The following RAPGEF5 variants were observed in gnomAD, a reference collection of about 807,000 sequenced individuals.
RAPGEF5 encodes Rap guanine nucleotide exchange factor 5.
RAPGEF5 carries 65 observed loss-of-function variants against 125.2 expected under a neutral mutation model. The ratio of observed to expected loss-of-function variants is 0.52; its 90% CI spans 0.43 to 0.64. The LOEUF (loss-of-function observed/expected upper bound fraction) is 0.64, where lower values mean the gene tolerates loss of function less well. Ranked by LOEUF, RAPGEF5 falls within the 30% of genes least tolerant of loss-of-function variation. The probability of loss-of-function intolerance (pLI) is 0.00; values close to 1 mark genes in which losing one functional copy is unlikely to be tolerated. For missense variants in RAPGEF5, 958 were observed against 1,048.1 expected (o/e 0.91, Z 1.19); for synonymous variants, 391 against 385.9 (o/e 1.01, Z -0.16).
At position 22,310,076 on chromosome 7, in the gene RAPGEF5, C is replaced by A; in HGVS notation, c.404G>T (p.Gly135Val). 1 of 1,579,856 alleles carries A rather than the reference C, an allele frequency of 6.3e-7. No homozygotes were observed. The highest frequency in any genetic ancestry group is 8.6e-7 in the Non-Finnish European group (1 of 1,167,140). ...LKGFYRRSCV[G>V]SELVDWLLEH... ...TAGAAGCCAGTCTACCAGCTCTGAC[C>A]CAACGCAGCTCCTCCTGAACAAAAG... The change falls in exon 4 of 26, where the codon GGG (glycine) becomes GTG (valine). Residue 135 changes from glycine (G) to valine (V), a missense_variant. By Grantham distance (109) the Gly-to-Val change is moderately radical. Transcript: ENST00000665637.
chr7:22,346,251 T>C (rs1170800341), intron 1 of RAPGEF5, among the ~76,000 whole-genome samples: 2 of 152,192 alleles, frequency 1.3e-5, no homozygotes, highest in Non-Finnish European at 2.9e-5. Flanking sequence ...CTCCAGGTCA[T>C]GCAGCCCTTA....
chr7:22,354,080 C>G (rs200608153), intron 1 of RAPGEF5, among the ~76,000 whole-genome samples: 1 of 149,800 alleles, frequency 6.7e-6, no homozygotes, highest in Admixed American at 6.6e-5. Context: ...AGAAAAAAAA[C>G]AAAACAAAAC....
At chr7:22,153,841 C>T (rs1028489586) in intron 17 of RAPGEF5, among the ~76,000 whole-genome samples, 3 of 152,122 alleles carry the variant, frequency 2.0e-5, no homozygotes, top group African/African-American at 4.8e-5. Context: ...CCAGTGAAAA[C>T]GAAGAGGTCT....
intron 6 of RAPGEF5, among the ~76,000 whole-genome samples, chr7:22,287,180 G>C (rs1007442245): frequency 2.6e-5 from 4 of 152,172 alleles, no homozygotes; most frequent in African/African-American, 2.4e-5. Context: ...CTGTATGTCT[G>C]ACACTTGGAA....
intron 8 of RAPGEF5, among the ~76,000 whole-genome samples, chr7:22,221,482 T>C (rs1279665447): frequency 6.6e-6 from 1 of 152,234 alleles, no homozygotes; most frequent in East Asian, 1.9e-4. Context: ...ATATCTGATA[T>C]GGTTTTGCAG....
intron 21 of RAPGEF5, 113 bp downstream of exon 21, chr7:22,139,912 T>G: frequency 2.2e-6 from 2 of 909,430 alleles, no homozygotes; most frequent in Admixed American, 2.5e-5. Flanking sequence ...CCCTACCACC[T>G]TGACATATGA....
At chr7:22,340,324 A>T (rs1431376683) in intron 1 of RAPGEF5, among the ~76,000 whole-genome samples, 1 of 152,204 alleles carries the variant, frequency 6.6e-6, no homozygotes, top group East Asian at 1.9e-4. Flanking sequence ...GGAACCACAA[A>T]GCCAAAGGAA....
chr7:22,346,800 C>A (rs761394631), intron 1 of RAPGEF5, among the ~76,000 whole-genome samples: 2 of 152,098 alleles, frequency 1.3e-5, no homozygotes, highest in Non-Finnish European at 2.9e-5. Flanking sequence ...TGGTAGAAGT[C>A]CTGAATGATA....
At chr7:22,199,793 G>C (rs1462599223) in intron 9 of RAPGEF5, among the ~76,000 whole-genome samples, 1 of 152,120 alleles carries the variant, frequency 6.6e-6, no homozygotes. Context: ...TGACATTCTA[G>C]AAAGGCGACT....
chr7:22,346,344 C>T (rs138868294), intron 1 of RAPGEF5, among the ~76,000 whole-genome samples: 3 of 152,146 alleles, frequency 2.0e-5, no homozygotes, highest in Non-Finnish European at 2.9e-5. Context: ...CATCATACTT[C>T]CCCTAATCTC....
intron 7 of RAPGEF5, among the ~76,000 whole-genome samples, chr7:22,238,004 C>A (rs1217370868): frequency 6.6e-6 from 1 of 152,102 alleles, no homozygotes; most frequent in Non-Finnish European, 1.5e-5. Context: ...GGGAGAAATG[C>A]AGTCGAGAGC....
At chr7:22,267,668 T>C (rs957439030) in intron 6 of RAPGEF5, among the ~76,000 whole-genome samples, 2 of 152,134 alleles carry the variant, frequency 1.3e-5, no homozygotes, top group Non-Finnish European at 2.9e-5. Flanking sequence ...CCTTCCCACT[T>C]TGAACACTTA....
At position 22,291,243 on chromosome 7, in the gene RAPGEF5, T is replaced by G; in HGVS notation, c.681-2A>C. 1 of 1,400,432 alleles carries G rather than the reference T, an allele frequency of 7.1e-7. No individual in the cohort carries two copies. Among genetic ancestry groups the G allele is most frequent in the Non-Finnish European group, 9.4e-7 (1 of 1,059,214 alleles). The allele number at this position is 1,400,432 out of a possible 1,614,324, so 86.8% of individuals were successfully genotyped here. On this transcript the variant is annotated splice_acceptor_variant, in intron 5 of 25. Transcript: ENST00000665637. LOFTEE classifies it high-confidence loss of function. Reference sequence around the variant, plus strand: ...GAGTCTTCAATTTTCTGATGAGACCTAAAAAAAAAAAAAAGAACAAATTAC... The same window carrying G: ...GAGTCTTCAATTTTCTGATGAGACCGAAAAAAAAAAAAAAGAACAAATTAC...
At chr7:22,128,699 G>A (rs950189053) in intron 24 of RAPGEF5, among the ~76,000 whole-genome samples, 2 of 152,098 alleles carry the variant, frequency 1.3e-5, no homozygotes, top group African/African-American at 2.4e-5. Context: ...TGTAAGGAGG[G>A]GTCAGCATGA....
intron 24 of RAPGEF5, among the ~76,000 whole-genome samples, chr7:22,130,167 C>T (rs999506601): frequency 2.6e-5 from 4 of 152,262 alleles, no homozygotes; most frequent in East Asian, 3.9e-4. Flanking sequence ...TTACTGGTAT[C>T]GTCTTTAACC....
intron 13 of RAPGEF5, among the ~76,000 whole-genome samples, chr7:22,161,157 C>T (rs1194296195): frequency 4.6e-5 from 7 of 151,984 alleles, no homozygotes; most frequent in African/African-American, 1.5e-4. Flanking sequence ...TGCAGTGAGC[C>T]GAGATCGCGC....
intron 9 of RAPGEF5, among the ~76,000 whole-genome samples, chr7:22,209,592 G>A (rs915618007): frequency 1.5e-4 from 23 of 152,268 alleles, no homozygotes; most frequent in African/African-American, 4.8e-4. Context: ...GCTTCCAGAT[G>A]GGTGTTTAAT....
chr7:22,187,062 G>C (rs907951478), intron 11 of RAPGEF5, among the ~76,000 whole-genome samples: 1 of 152,152 alleles, frequency 6.6e-6, no homozygotes, highest in Non-Finnish European at 1.5e-5. Context: ...TTAATACCCC[G>C]TTAACATTCT....
chr7:22,255,138 G>A (rs1160713738), intron 7 of RAPGEF5, among the ~76,000 whole-genome samples: 1 of 152,076 alleles, frequency 6.6e-6, no homozygotes, highest in Non-Finnish European at 1.5e-5. Context: ...ATTTAAGCTT[G>A]AATACAGGAT....
Sources: gnomAD v4.1 joint callset for allele counts (sites outside exome capture counted in the v4.1 genomes callset) on GRCh38, gnomAD v4.1.1 for gene constraint, MANE v1.5 for transcripts, NCBI Gene and HGNC (gene_info 2026-07-23, HGNC 2026-07-21) for gene names.